AHDC1: variants seen among roughly 807,000 people sequenced by gnomAD.
AHDC1 encodes transcription factor Gibbin.
Under a neutral mutation model 87.9 loss-of-function variants are expected in AHDC1, and 7 were observed. The observed-to-expected ratio is 0.08, with a 90% CI of 0.05 to 0.15. The LOEUF is 0.15. AHDC1 is among the 10% of genes least tolerant of loss of function. The probability of loss-of-function intolerance (pLI) is 1.00; values close to 1 mark genes in which losing one functional copy is unlikely to be tolerated. For synonymous variants in AHDC1, 1,051 were observed against 1,006.8 expected (o/e 1.04, Z -0.83); for missense variants, 1,841 against 2,253.2 (o/e 0.82, Z 3.70).
chr1:27,548,626 A>C lies in AHDC1; in HGVS notation c.3490T>G (p.Ser1164Ala). ...TGGGTGCTGTCGGAGGATGACTCAG[A>C]GAAGGTCTCCGACACAGCCGTCTGC... is the stretch of plus-strand genomic sequence containing the variant. ...KQQTAVSETF[S>A]ESSSDSTQFN... Residue 1164 changes from serine (S) to alanine (A), a missense_variant, in exon 8 of 9, where the codon TCT becomes GCT. Ser to Ala is a moderately conservative substitution (Grantham distance 99). Coordinates refer to ENST00000673934, the MANE Select transcript of AHDC1 (RefSeq NM_001371928.1). The C allele has an allele frequency of 6.2e-7, 1 of 1,613,478 alleles. No homozygotes were observed. The highest frequency in any genetic ancestry group is 8.5e-7 in the Non-Finnish European group (1 of 1,180,030).
rs2020083837 is a variant in AHDC1 at position 27,561,536 on chromosome 1, T to C, written c.-628-2653A>G. 6.6e-6 allele frequency among the ~76,000 whole-genome samples: 1 copy of C among 151,996 alleles called. No homozygotes were observed. The highest frequency in any genetic ancestry group is 1.5e-5 in the Non-Finnish European group (1 of 67,964). ...GCAAGGAGGGGTGCAGGGGCTGGGCTGGGACTAAGGCTCCCTTCACGGTGC... is the reference window on the plus strand; with the variant it reads ...GCAAGGAGGGGTGCAGGGGCTGGGCCGGGACTAAGGCTCCCTTCACGGTGC... On this transcript the variant is annotated intron_variant, in intron 3 of 8. Transcript: ENST00000673934. This position sits in a 1 kb window ranked among gnomAD's most constrained non-coding sequence, Gnocchi z 4.2.
chr1:27,599,083 A>C (rs2089456801), intron 3 of AHDC1, among the ~76,000 whole-genome samples: 1 of 152,210 alleles, frequency 6.6e-6, no homozygotes, highest in African/African-American at 2.4e-5. Context: ...ATAAATGAGG[A>C]AAGAAGAAAG....
chr1:27,590,392 C>T lies in AHDC1; in HGVS notation c.-629+13005G>A, dbSNP rs2089190661. On this transcript the variant is annotated intron_variant, in intron 3 of 8. Transcript: ENST00000673934. This position sits in a 1 kb window ranked among gnomAD's most constrained non-coding sequence, Gnocchi z 5.4. The stretch of plus-strand genomic sequence containing the variant: ...CTCCCAACCAAAGATGGCTTCCCAG[C>T]ACCCCCAGGCAAACTATTACCCTTC... Among the ~76,000 whole-genome samples, 1 of 152,166 alleles carries T rather than the reference C, an allele frequency of 6.6e-6. No homozygotes were observed. Among genetic ancestry groups the T allele is most frequent in the Non-Finnish European group, 1.5e-5 (1 of 68,012 alleles).
intron 5 of AHDC1, among the ~76,000 whole-genome samples, chr1:27,553,957 C>G (rs1408679977): frequency 6.6e-6 from 1 of 152,108 alleles, no homozygotes; most frequent in Non-Finnish European, 1.5e-5. Flanking sequence ...CCCAGCTACT[C>G]AAGAGGCTGA....
intron 8 of AHDC1, among the ~76,000 whole-genome samples, chr1:27,546,375 T>C (rs547808036): frequency 6.6e-6 from 1 of 152,372 alleles, no homozygotes; most frequent in South Asian, 2.1e-4. Context: ...ATACTAAAAC[T>C]GACTCCAACT....
rs761149707 is a variant in AHDC1, at chr1:27,593,252, C to G, written c.-629+10145G>C. ...CCCCTCCACTCCTCCAGGCAGGCAG[C>G]GATAGGATTACTTCTGCATGACTGC... On this transcript the variant is annotated intron_variant, in intron 3 of 8. Coordinates refer to ENST00000673934, the MANE Select transcript of AHDC1 (RefSeq NM_001371928.1). The surrounding 1 kb of genome is among the most constrained non-coding windows in gnomAD (Gnocchi z 4.9). Among the ~76,000 whole-genome samples the G allele has an allele frequency of 1.3e-5, 2 of 151,968 alleles. No homozygotes were observed. The highest frequency in any genetic ancestry group is 6.5e-5 in the Admixed American group (1 of 15,284).
chr1:27,582,596 T>C (rs112456086), intron 3 of AHDC1, among the ~76,000 whole-genome samples: 2,024 of 152,354 alleles, frequency 0.013, 47 homozygotes, highest in African/African-American at 0.044. Context: ...TGTAAGCTCC[T>C]TGAGGGCAGG....
chr1:27,553,934 G>A (rs943740017), intron 5 of AHDC1, among the ~76,000 whole-genome samples: 2 of 152,066 alleles, frequency 1.3e-5, no homozygotes, highest in Admixed American at 1.3e-4. Context: ...GCATGGTGGT[G>A]CACACCTGTA....
At chr1:27,566,160 C>G (rs1353065756) in intron 3 of AHDC1, among the ~76,000 whole-genome samples, 1 of 152,058 alleles carries the variant, frequency 6.6e-6, no homozygotes, top group Non-Finnish European at 1.5e-5. Context: ...TTTAGAAGGA[C>G]AAAGTCAGAA....
At chr1:27,572,252 A>G (rs1389672979) in intron 3 of AHDC1, among the ~76,000 whole-genome samples, 1 of 152,162 alleles carries the variant, frequency 6.6e-6, no homozygotes, top group African/African-American at 2.4e-5. Flanking sequence ...GCACCGTGGT[A>G]AAATTACTGA....
At chr1:27,577,607 G>A (rs1173669687) in intron 3 of AHDC1, among the ~76,000 whole-genome samples, 3 of 152,166 alleles carry the variant, frequency 2.0e-5, no homozygotes, top group Non-Finnish European at 2.9e-5. Flanking sequence ...AAGCAAGGAA[G>A]CACAAAGACT....
intron 3 of AHDC1, among the ~76,000 whole-genome samples, chr1:27,569,068 C>T (rs745661347): frequency 6.6e-6 from 1 of 151,294 alleles, no homozygotes; most frequent in Admixed American, 6.6e-5. Flanking sequence ...CTCAAAGCCC[C>T]CTCACCCCAT....
At position 27,566,452 on chromosome 1, in the gene AHDC1, G is replaced by A. The variant is rs116486332; in HGVS notation, c.-628-7569C>T. On this transcript the variant is annotated intron_variant, in intron 3 of 8. Transcript: ENST00000673934. ...TGCAGAGACAAAGACACACGCACAGGGGGGAAGAGATGGAGAAGGAACCTG... is the reference window on the plus strand; with the variant it reads ...TGCAGAGACAAAGACACACGCACAGAGGGGAAGAGATGGAGAAGGAACCTG... 1.4e-3 allele frequency among the ~76,000 whole-genome samples: 215 copies of A among 152,106 alleles called. 1 individual carries two copies. The highest frequency in any genetic ancestry group is 5.0e-3 in the African/African-American group (207 of 41,486).
rs1043428573 is a variant in AHDC1, at chr1:27,549,380, C to G, written c.2736G>C (p.Gln912His). The G allele has an allele frequency of 1.2e-5, 19 of 1,612,964 alleles. No individual in the cohort carries two copies. The highest frequency in any genetic ancestry group is 1.6e-5 in the Non-Finnish European group (19 of 1,179,874). Residue 912 changes from glutamine (Q) to histidine (H), a missense_variant, in exon 8 of 9, where the codon CAG becomes CAC. Coordinates refer to ENST00000673934, the MANE Select transcript of AHDC1 (RefSeq NM_001371928.1). ...SSGAGADPSF[Q>H]PVLSARQTFP... ...AGGTCTGGCGCGCGGACAGGACAGG[C>G]TGAAAGGAGGGGTCCGCCCCAGCCC...
In AHDC1 at chr1:27,590,503, A is replaced by G. The variant is rs1571335538; in HGVS notation, c.-629+12894T>C. Reference sequence around the variant, plus strand: ...GCACCACCCACCCCCACCACCCCTCAGCACACACCCAGCCTGGGTTCTGCA... The same window carrying G: ...GCACCACCCACCCCCACCACCCCTCGGCACACACCCAGCCTGGGTTCTGCA... On this transcript the variant is annotated intron_variant, in intron 3 of 8. Transcript: ENST00000673934. This position sits in a 1 kb window ranked among gnomAD's most constrained non-coding sequence, Gnocchi z 5.4. Among the ~76,000 whole-genome samples the G allele has an allele frequency of 1.5e-5, 2 of 136,264 alleles. No individual in the cohort carries two copies. Among genetic ancestry groups the G allele is most frequent in the Non-Finnish European group, 3.1e-5 (2 of 64,286 alleles). The allele number at this position is 136,264 out of a possible 152,430, so 89.4% of individuals were successfully genotyped here. A position where few individuals can be genotyped will look rare whatever the true frequency, so the allele number is the denominator to read the frequency against.
chr1:27,592,752 G>A (rs1406329792), intron 3 of AHDC1, among the ~76,000 whole-genome samples: 1 of 152,218 alleles, frequency 6.6e-6, no homozygotes. Flanking sequence ...GGCCCCTGTA[G>A]ACAGGTCATC....
intron 3 of AHDC1, among the ~76,000 whole-genome samples, chr1:27,591,828 C>G (rs1026045944): frequency 3.3e-5 from 5 of 152,222 alleles, no homozygotes; most frequent in African/African-American, 9.7e-5. Flanking sequence ...TCTCCTAGGA[C>G]TGTTGAGTTG....
chr1:27,591,395 G>A (rs893682948), intron 3 of AHDC1, among the ~76,000 whole-genome samples: 1 of 152,222 alleles, frequency 6.6e-6, no homozygotes, highest in African/African-American at 2.4e-5. Context: ...CTTGGGTGGT[G>A]ACTGCTCCTC....
intron 3 of AHDC1, among the ~76,000 whole-genome samples, chr1:27,583,234 A>G (rs2088957617): frequency 6.6e-6 from 1 of 152,122 alleles, no homozygotes; most frequent in Non-Finnish European, 1.5e-5. Flanking sequence ...CCTTGAGGCC[A>G]CCAGCCCTCC....
Sources: allele counts gnomAD v4.1 joint callset (sites outside exome capture counted in the v4.1 genomes callset), GRCh38; gene constraint gnomAD v4.1.1; non-coding constraint Gnocchi (gnomAD v3.1); transcripts MANE v1.5; gene names NCBI Gene and HGNC (gene_info 2026-07-23, HGNC 2026-07-21).